Variants in TSPEAR observed in about 807,000 individuals in gnomAD.
TSPEAR encodes thrombospondin type laminin G domain and EAR repeats, also known as thrombospondin-type laminin G domain and EAR repeat-containing protein.
A neutral mutation model predicts 71.6 loss-of-function variants in TSPEAR; 69 were observed. That is an observed-to-expected ratio of 0.96 (90% CI 0.79 to 1.18). TSPEAR has a LOEUF of 1.18. Ranked by LOEUF, TSPEAR falls within the 50% of genes most tolerant of loss-of-function variation. The probability of loss-of-function intolerance (pLI) is 0.00; values close to 1 mark genes in which losing one functional copy is unlikely to be tolerated. For synonymous variants in TSPEAR, 402 were observed against 387.2 expected (o/e 1.04, Z -0.45); for missense variants, 971 against 894.9 (o/e 1.09, Z -1.09).
intron 1 of TSPEAR, chr21:44,697,028 TCA>T: frequency 3.5e-6 from 3 of 862,976 alleles, no homozygotes; most frequent in Non-Finnish European, 3.2e-6. Context: ...ACCCAGACGC[TCA>T]CTCACTCCCT....
intron 1 of TSPEAR, among the ~76,000 whole-genome samples, chr21:44,669,891 G>T (rs781900768): frequency 4.6e-5 from 7 of 152,108 alleles, no homozygotes; most frequent in Non-Finnish European, 8.8e-5. Flanking sequence ...GGAACAACAG[G>T]CCTGCCCATC....
At chr21:44,551,839 T>C (rs1441353457) in intron 2 of TSPEAR, among the ~76,000 whole-genome samples, 3 of 152,154 alleles carry the variant, frequency 2.0e-5, no homozygotes, top group African/African-American at 7.2e-5. Flanking sequence ...GCGTGAGCTC[T>C]GGGCCCGGGG....
chr21:44,518,649 G>A (rs935989396), intron 9 of TSPEAR: 6 of 470,646 alleles, frequency 1.3e-5, no homozygotes, highest in Admixed American at 9.4e-5. Context: ...CTGCTCTCAA[G>A]ACCCCCTGGA....
intron 2 of TSPEAR, chr21:44,551,614 C>T (rs751340761): frequency 9.3e-7 from 1 of 1,081,022 alleles, no homozygotes; most frequent in Non-Finnish European, 1.3e-6. Flanking sequence ...CAACGCCCTC[C>T]ACTTCCGTGT....
In TSPEAR at chr21:44,593,529, C is replaced by T. The variant is rs1980142375; in HGVS notation, c.83-25524G>A. Reference sequence around the variant, plus strand: ...AACTGACTAAATGGATCCCATCTTGCCCACGGGGACCCCCGAAAAACTGCG... The same window carrying T: ...AACTGACTAAATGGATCCCATCTTGTCCACGGGGACCCCCGAAAAACTGCG... On this transcript the variant is annotated intron_variant, in intron 1 of 11. Coordinates refer to ENST00000323084, the MANE Select transcript of TSPEAR (RefSeq NM_144991.3). This position sits in a 1 kb window ranked among gnomAD's most constrained non-coding sequence, Gnocchi z 5.9. 6.6e-6 allele frequency among the ~76,000 whole-genome samples: 1 copy of T among 152,182 alleles called. No individual in the cohort carries two copies. Among genetic ancestry groups the T allele is most frequent in the Admixed American group, 6.5e-5 (1 of 15,284 alleles).
Position 44,550,998 on chromosome 21 carries a change from G to T in TSPEAR, c.303+16787C>A, listed in dbSNP as rs1472280529. On this transcript the variant is annotated intron_variant, in intron 2 of 11. Transcript: ENST00000323084. ...GCATGAAGAGGATGACTCAGAGCAG[G>T]TGGGCACGCAGCACACAGCTTTGCA... is the stretch of plus-strand genomic sequence containing the variant. 4 of 1,610,504 alleles carry T rather than the reference G, an allele frequency of 2.5e-6. No individual in the cohort carries two copies. In the Admixed American group the frequency reaches 6.7e-5, roughly 27 times the overall value.
intron 1 of TSPEAR, among the ~76,000 whole-genome samples, chr21:44,636,758 G>A (rs1474640547): frequency 6.6e-6 from 1 of 152,110 alleles, no homozygotes; most frequent in African/African-American, 2.4e-5. Context: ...GGGCTCCAGG[G>A]GATGGCAGTC....
At chr21:44,595,277 A>T (rs1384044264) in intron 1 of TSPEAR, among the ~76,000 whole-genome samples, 3 of 152,036 alleles carry the variant, frequency 2.0e-5, no homozygotes, top group Non-Finnish European at 4.4e-5. Context: ...CACACAGCCC[A>T]TTCTCATTAT....
intron 1 of TSPEAR, among the ~76,000 whole-genome samples, chr21:44,589,237 C>A (rs1003215630): frequency 6.6e-6 from 1 of 152,238 alleles, no homozygotes; most frequent in East Asian, 1.9e-4. Flanking sequence ...TTTCAAGGCT[C>A]ATGCATGTTG....
chr21:44,617,777 A>G (rs1429911988), intron 1 of TSPEAR, among the ~76,000 whole-genome samples: 7 of 152,258 alleles, frequency 4.6e-5, no homozygotes, highest in Admixed American at 1.3e-4. Flanking sequence ...TGATGTCTGC[A>G]ACACCAGGTG....
At chr21:44,639,364 G>C (rs1200833948) in intron 1 of TSPEAR, among the ~76,000 whole-genome samples, 2 of 152,232 alleles carry the variant, frequency 1.3e-5, no homozygotes, top group African/African-American at 4.8e-5. Flanking sequence ...ACCCTTGCGT[G>C]TCAATGACAG....
In TSPEAR at chr21:44,710,423, C is replaced by T. The variant is rs1181248375; in HGVS notation, c.82+1010G>A. On this transcript the variant is annotated intron_variant, in intron 1 of 11. Transcript: ENST00000323084. The surrounding 1 kb of genome is among the most constrained non-coding windows in gnomAD (Gnocchi z 4.6). ...GCAGGCACGTTTATGACCCCCACCC[C>T]CACCCCCACCCCCCACGCGAGTCAG... Among the ~76,000 whole-genome samples the T allele has an allele frequency of 2.6e-5, 4 of 151,858 alleles. No homozygotes were observed. The highest frequency in any genetic ancestry group is 4.4e-5 in the Non-Finnish European group (3 of 67,908).
At position 44,524,522 on chromosome 21, in the gene TSPEAR, G is replaced by A. The variant is rs2052807175; in HGVS notation, c.1336+1131C>T. ...AGGTAGTCAGTCAGGCAGTCAGTCA[G>A]TCAGACAAGTAGTCAGTAAGGTAAC... On this transcript the variant is annotated intron_variant, in intron 8 of 11. Transcript: ENST00000323084. Among the ~76,000 whole-genome samples, 3 of 151,880 alleles carry A rather than the reference G, an allele frequency of 2.0e-5. No individual in the cohort carries two copies. The South Asian group carries it at 6.2e-4, about 32-fold the overall frequency.
rs782746492 is a variant in TSPEAR, at chr21:44,697,499, T to C, written c.82+13934A>G. On this transcript the variant is annotated intron_variant, in intron 1 of 11. Transcript: ENST00000323084. The stretch of plus-strand genomic sequence containing the variant: ...GCCGGCTTGCTGCACCTCCTCCCCC[T>C]GCCAGCAGGCCTGCTGCGTGCCCGT... The C allele has an allele frequency of 4.3e-6, 7 of 1,613,804 alleles. No homozygotes were observed. The African/African-American group carries it at 5.3e-5, about 12-fold the overall frequency.
chr21:44,556,150 G>A (rs1397808822), intron 2 of TSPEAR, among the ~76,000 whole-genome samples: 2 of 152,222 alleles, frequency 1.3e-5, no homozygotes, highest in Admixed American at 1.3e-4. Flanking sequence ...GGCCAAGGCA[G>A]GCAGATCGCG....
chr21:44,647,805 G>A (rs587650052), intron 1 of TSPEAR, among the ~76,000 whole-genome samples: 2 of 152,324 alleles, frequency 1.3e-5, no homozygotes, highest in East Asian at 3.9e-4. Context: ...GAAAGCAAAT[G>A]TGATCAGCTC....
chr21:44,600,038 C>T (rs1837016284), intron 1 of TSPEAR, among the ~76,000 whole-genome samples: 2 of 152,212 alleles, frequency 1.3e-5, no homozygotes, highest in South Asian at 2.1e-4. Context: ...GGAAATGGCT[C>T]ACACCACTGT....
intron 9 of TSPEAR, chr21:44,517,884 C>A (rs1555913699): frequency 2.1e-6 from 1 of 471,112 alleles, no homozygotes; most frequent in Non-Finnish European, 4.4e-6. Flanking sequence ...CCCTTTCAGT[C>A]TGATGAGATC....
At chr21:44,587,783 T>G (rs587595219) in intron 1 of TSPEAR, among the ~76,000 whole-genome samples, 12 of 152,162 alleles carry the variant, frequency 7.9e-5, no homozygotes, top group African/African-American at 2.7e-4. Flanking sequence ...GAAAGGACAC[T>G]CTATTCAACA....
Sources: gnomAD v4.1 joint callset for allele counts (sites outside exome capture counted in the v4.1 genomes callset) on GRCh38, gnomAD v4.1.1 for gene constraint, Gnocchi (gnomAD v3.1) non-coding constraint, MANE v1.5 for transcripts, NCBI Gene and HGNC (gene_info 2026-07-23, HGNC 2026-07-21) for gene names.